The following UFM1 variants were observed in gnomAD, a reference collection of about 807,000 sequenced individuals.
The protein encoded by UFM1 is ubiquitin-fold modifier 1.
Under a neutral mutation model 15.4 loss-of-function variants are expected in UFM1, and 9 were observed. That is an observed-to-expected ratio of 0.59 (90% CI 0.35 to 1.02). The LOEUF (loss-of-function observed/expected upper bound fraction) is 1.02. Ranked by LOEUF, UFM1 falls within the 50% of genes least tolerant of loss-of-function variation. UFM1 has a pLI of 0.02. For synonymous variants in UFM1, 27 were observed against 36.3 expected (o/e 0.74, Z 0.92); for missense variants, 98 against 104.7 (o/e 0.94, Z 0.28).
At chr13:38,357,077 CAA>C (rs149396385) in intron 3 of UFM1, among the ~76,000 whole-genome samples, 1,646 of 151,942 alleles carry the variant, frequency 0.011, 26 homozygotes, top group African/African-American at 0.03. Flanking sequence ...CACTGTTGGC[CAA>C]ATGGCTTTCA....
chr13:38,352,776 A>C (rs1212304176), intron 2 of UFM1, among the ~76,000 whole-genome samples: 1 of 152,168 alleles, frequency 6.6e-6, no homozygotes, highest in South Asian at 2.1e-4. Flanking sequence ...ACAGATAGAA[A>C]CTTATTTTAA....
intron 1 of UFM1, 25 bp from the exon 2 acceptor site, chr13:38,349,974 G>A: frequency 6.2e-7 from 1 of 1,614,008 alleles, no homozygotes; most frequent in Non-Finnish European, 8.5e-7. Flanking sequence ...GCCCGACCCT[G>A]ACTCTCTCCC....
intron 4 of UFM1, 38 bp downstream of exon 4, chr13:38,358,170 T>G (rs953227890): frequency 2.3e-6 from 3 of 1,314,386 alleles, no homozygotes; most frequent in Non-Finnish European, 3.1e-6. Context: ...TACCTCAAAT[T>G]TATAGAAATG....
intron 5 of UFM1, 142 bp downstream of exon 5, chr13:38,359,475 T>C: frequency 1.3e-6 from 1 of 794,980 alleles, no homozygotes; most frequent in Non-Finnish European, 2.0e-6. Flanking sequence ...AGTCTTTACC[T>C]GTGTGTCTGA....
At chr13:38,354,218 G>A (rs1216516071) in intron 2 of UFM1, 21 bp from the exon 3 acceptor site, 2 of 1,605,804 alleles carry the variant, frequency 1.2e-6, no homozygotes, top group Non-Finnish European at 1.7e-6. Flanking sequence ...AAAAGAAACT[G>A]TTTTAAAATT....
rs1376897018 is a variant in UFM1, at chr13:38,361,938, G to GT, written c.*1161dup. 6.6e-5 allele frequency: 10 copies of GT among 152,230 alleles called. No individual in the cohort carries two copies. The highest frequency in any genetic ancestry group is 1.9e-4 in the African/African-American group (8 of 41,456). 9.4% of individuals were successfully genotyped at this position (152,230 alleles called of 1,614,324 possible). On this transcript the variant is annotated 3_prime_UTR_variant, in exon 6 of 6. Coordinates refer to ENST00000239878, the MANE Select transcript of UFM1 (RefSeq NM_016617.4). ...GAAGAAGGCAGTTAGAGAAAACAAA[G>GT]TATCTACTGGCCTTGTCAACATACA... is the stretch of plus-strand genomic sequence containing the variant.
At chr13:38,350,293 TC>T in intron 2 of UFM1, 8 of 1,493,216 alleles carry the variant, frequency 5.4e-6, no homozygotes, top group Non-Finnish European at 7.3e-6. Flanking sequence ...TGGGTGTGTT[TC>T]TGATTAGTGA....
intron 2 of UFM1, among the ~76,000 whole-genome samples, chr13:38,352,754 C>A (rs1262738601): frequency 1.3e-5 from 2 of 152,128 alleles, no homozygotes; most frequent in Non-Finnish European, 2.9e-5. Flanking sequence ...TGGACACTCA[C>A]CAACTTAATA....
chr13:38,355,667 C>T (rs1879062761), intron 3 of UFM1, among the ~76,000 whole-genome samples: 2 of 151,758 alleles, frequency 1.3e-5, no homozygotes, highest in Admixed American at 1.3e-4. Flanking sequence ...GTAAAGCTTA[C>T]AGTAGAGTAA....
chr13:38,353,446 T>C (rs1025792462), intron 2 of UFM1, among the ~76,000 whole-genome samples: 1 of 152,158 alleles, frequency 6.6e-6, no homozygotes. Flanking sequence ...TTACTGTGTC[T>C]TAAAGTGTTT....
At chr13:38,358,881 C>T (rs529568843) in intron 4 of UFM1, among the ~76,000 whole-genome samples, 41 of 152,040 alleles carry the variant, frequency 2.7e-4, no homozygotes, top group African/African-American at 9.4e-4. Context: ...AACTTAGTAA[C>T]GTGTTGAACT....
In UFM1 at chr13:38,350,137, C is replaced by G. The variant is rs537884186; in HGVS notation, c.59+82C>G. The G allele has an allele frequency of 1.1e-4, 173 of 1,614,000 alleles. 5 individuals are homozygous for G. In the South Asian group the frequency reaches 1.6e-3, roughly 15 times the overall value. ...GGGATGATCCGAGCTTTTCCAACAACTACCCCACGCAGTCTTCATCTCTTC... is the reference window on the plus strand; with the variant it reads ...GGGATGATCCGAGCTTTTCCAACAAGTACCCCACGCAGTCTTCATCTCTTC... On this transcript the variant is annotated intron_variant, in intron 2 of 5. Transcript: ENST00000239878.
At chr13:38,350,691 T>C (rs779580361) in intron 2 of UFM1, among the ~76,000 whole-genome samples, 1 of 152,206 alleles carries the variant, frequency 6.6e-6, no homozygotes, top group Admixed American at 6.5e-5. Flanking sequence ...AGTTGAGTGA[T>C]AGATTTTAAG....
At chr13:38,359,519 A>C (rs1879277695) in intron 5 of UFM1, 186 bp downstream of exon 5, 1 of 499,868 alleles carries the variant, frequency 2.0e-6, no homozygotes, top group Non-Finnish European at 3.5e-6. Context: ...TATTGATTGT[A>C]GATGTTTTTG....
chr13:38,362,246 T>G lies in UFM1; in HGVS notation c.*1468T>G, dbSNP rs1879436774. ...ATTATTATCTTAGCATGTTTCAGTA[T>G]CTTCTCTATCATAGGCCCTAAGTTC... On this transcript the variant is annotated 3_prime_UTR_variant, in exon 6 of 6. Transcript: ENST00000239878. 6.6e-6 allele frequency: 1 copy of G among 152,110 alleles called. No individual in the cohort carries two copies. Among genetic ancestry groups the G allele is most frequent in the Non-Finnish European group, 1.5e-5 (1 of 68,014 alleles). 9.4% of individuals were successfully genotyped at this position (152,110 alleles called of 1,614,324 possible).
intron 3 of UFM1, among the ~76,000 whole-genome samples, chr13:38,357,705 G>A (rs927016886): frequency 6.6e-6 from 1 of 151,774 alleles, no homozygotes; most frequent in African/African-American, 2.4e-5. Flanking sequence ...TATGTATTTT[G>A]TTATGTGTAT....
chr13:38,352,018 C>T (rs1878878796), intron 2 of UFM1, among the ~76,000 whole-genome samples: 1 of 151,772 alleles, frequency 6.6e-6, no homozygotes, highest in African/African-American at 2.4e-5. Flanking sequence ...CTTTTCTGTG[C>T]TTAGAATGCA....
At chr13:38,358,037 T>TTG (rs71673975) in intron 3 of UFM1, 56 bp from the exon 4 acceptor site, 52 of 490,156 alleles carry the variant, frequency 1.1e-4, no homozygotes, top group African/African-American at 6.2e-4. Context: ...TCTTATAGTT[T>TTG]TGTGTGTGTG....
At chr13:38,355,980 C>A (rs1879075187) in intron 3 of UFM1, among the ~76,000 whole-genome samples, 1 of 151,656 alleles carries the variant, frequency 6.6e-6, no homozygotes, top group African/African-American at 2.4e-5. Context: ...CTGCAAAGAG[C>A]CCTAAATTAT....
Sources: allele counts gnomAD v4.1 joint callset (sites outside exome capture counted in the v4.1 genomes callset), GRCh38; gene constraint gnomAD v4.1.1; transcripts MANE v1.5; gene names NCBI Gene and HGNC (gene_info 2026-07-23, HGNC 2026-07-21).